Variants in ZNF66 observed in about 807,000 individuals in gnomAD.
The protein encoded by ZNF66 is putative zinc finger protein 66.
In ZNF66, 32 loss-of-function variants were observed where a neutral mutation model predicts 35.2. The observed-to-expected ratio is 0.91, with a 90% CI of 0.69 to 1.22. The LOEUF is 1.22. Among genes scored for constraint, ZNF66 ranks in the 50% most tolerant of loss-of-function variants. The pLI, the probability that ZNF66 is intolerant of heterozygous loss-of-function variation, is 0.00. For missense variants in ZNF66, 666 were observed against 543.1 expected, an observed-to-expected ratio of 1.23 and a Z score of -2.25; for synonymous variants, 231 against 181.3, an observed-to-expected ratio of 1.27 and a Z score of -2.20.
At chr19:20,793,297 ATTTTCTTTTCTTTTCTTTTC>A (rs562862450) in intron 2 of ZNF66, among the ~76,000 whole-genome samples, 7 of 116,358 alleles carry the variant, frequency 6.0e-5, no homozygotes, top group South Asian at 2.8e-4. Flanking sequence ...AATTGAAAGT[ATTTTCTTTTCTTTTCTTTTC>A]TTTTCTTTTC....
At chr19:20,781,602 C>T (rs531492591) in intron 1 of ZNF66, among the ~76,000 whole-genome samples, 5 of 151,778 alleles carry the variant, frequency 3.3e-5, no homozygotes, top group Admixed American at 2.6e-4. Flanking sequence ...TTCCACCTCC[C>T]GGTTCAAGTG....
intron 2 of ZNF66, among the ~76,000 whole-genome samples, chr19:20,793,332 C>CTTTTCTTT (rs1555782697): frequency 7.1e-5 from 6 of 84,618 alleles, no homozygotes; most frequent in African/African-American, 2.3e-4. Context: ...CTTTTCTTTT[C>CTTTTCTTT]TTTTTTTTTT....
chr19:20,803,956 A>G (rs2144915781), intron 3 of ZNF66, among the ~76,000 whole-genome samples: 1 of 152,216 alleles, frequency 6.6e-6, no homozygotes, highest in Non-Finnish European at 1.5e-5. Flanking sequence ...CACTTGTTAT[A>G]TCATGAGACT....
At position 20,799,061 on chromosome 19, in the gene ZNF66, C is replaced by CTTTTTTTTTTTTTTTTTTTTTT. The variant is rs374547894; in HGVS notation, c.226+5186_226+5187insTTTTTTTTTTTTTTTTTTTTTT. The CTTTTTTTTTTTTTTTTTTTTTT allele has an allele frequency of 5.1e-5, 6 of 116,702 alleles. 2 individuals are homozygous for CTTTTTTTTTTTTTTTTTTTTTT. Among genetic ancestry groups the CTTTTTTTTTTTTTTTTTTTTTT allele is most frequent in the Admixed American group, 1.7e-4 (2 of 11,942 alleles). 7.2% of individuals were successfully genotyped at this position (116,702 alleles called of 1,614,324 possible). On this transcript the variant is annotated intron_variant, in intron 3 of 3. Coordinates refer to ENST00000344519, the MANE Select transcript of ZNF66 (RefSeq NM_001355197.2). ...TTTCTTTCTTTCTTTCTTTTTCTTT[C>CTTTTTTTTTTTTTTTTTTTTTT]TTTCTTTTTTTTTTTTTTGAGATGG...
chr19:20,777,452 ATTTT>A (rs756548895), intron 1 of ZNF66, among the ~76,000 whole-genome samples: 6 of 123,148 alleles, frequency 4.9e-5, no homozygotes, highest in South Asian at 2.6e-4. Flanking sequence ...TTGAGCTTAG[ATTTT>A]TTTTTTTTTT....
At chr19:20,793,316 TCTTTTCTTTTCTTTTC>T (rs1971357000) in intron 2 of ZNF66, among the ~76,000 whole-genome samples, 2 of 78,172 alleles carry the variant, frequency 2.6e-5, no homozygotes, top group Non-Finnish European at 5.6e-5. Context: ...TCTTTTCTTT[TCTTTTCTTTTCTTTTC>T]TTTTTTTTTT....
chr19:20,785,396 C>A (rs1971278239), intron 1 of ZNF66, among the ~76,000 whole-genome samples: 1 of 152,210 alleles, frequency 6.6e-6, no homozygotes, highest in Non-Finnish European at 1.5e-5. Context: ...GAAAGCCTAC[C>A]TTCAGCAGCC....
chr19:20,793,999 G>GT (rs760761945), intron 3 of ZNF66, 121 bp downstream of exon 3: 67 of 533,406 alleles, frequency 1.3e-4, no homozygotes, highest in South Asian at 5.0e-4. Flanking sequence ...CTGGGCAGCT[G>GT]TTTTTTTTGT....
rs774370529 is a variant in ZNF66 at position 20,805,943 on chromosome 19, A to C, written c.343A>C (p.Lys115Gln). The C allele has an allele frequency of 1.4e-6, 1 of 694,252 alleles. No individual in the cohort carries two copies. The highest frequency in any genetic ancestry group is 1.9e-5 in the South Asian group (1 of 53,196). 43.0% of individuals were successfully genotyped at this position (694,252 alleles called of 1,614,324 possible). A position where few individuals can be genotyped will look rare whatever the true frequency, so the allele number is the denominator to read the frequency against. ...TGGACATGATAATTTGCAGTTAAAAAAAGGCTGTGAAAGTGTGGATAAGTG... is the reference window on the plus strand; with the variant it reads ...TGGACATGATAATTTGCAGTTAAAACAAGGCTGTGAAAGTGTGGATAAGTG... ...KCGHDNLQLK[K>Q]GCESVDKCKV... Residue 115 changes from lysine to glutamine, a missense_variant, in exon 4 of 4, where the codon AAA becomes CAA. Lys to Gln is a moderately conservative substitution (Grantham distance 53). Transcript: ENST00000344519.
chr19:20,779,603 C>T (rs59179004), intron 1 of ZNF66, among the ~76,000 whole-genome samples: 18,364 of 151,890 alleles, frequency 0.12, 1,267 homozygotes, highest in Middle Eastern at 0.17. Flanking sequence ...CTGAGGCAGT[C>T]GGATCACCTG....
intron 1 of ZNF66, among the ~76,000 whole-genome samples, chr19:20,789,435 A>C (rs1012640500): frequency 2.6e-5 from 4 of 152,166 alleles, no homozygotes; most frequent in African/African-American, 9.7e-5. Context: ...AAAACAGATA[A>C]ATGGGATAAA....
At chr19:20,777,825 C>CTACTAA (rs1971209968) in intron 1 of ZNF66, among the ~76,000 whole-genome samples, 8 of 152,082 alleles carry the variant, frequency 5.3e-5, no homozygotes, top group African/African-American at 1.9e-4. Flanking sequence ...GAGGTTTCAC[C>CTACTAA]ATGTTTGCCA....
chr19:20,787,565 A>C (rs1260509335), intron 1 of ZNF66, among the ~76,000 whole-genome samples: 2 of 152,192 alleles, frequency 1.3e-5, no homozygotes, highest in Non-Finnish European at 2.9e-5. Context: ...TGTCAACCTA[A>C]ACATCTTACA....
At chr19:20,797,419 G>T (rs757879858) in intron 3 of ZNF66, among the ~76,000 whole-genome samples, 1 of 124,380 alleles carries the variant, frequency 8.0e-6, no homozygotes, top group Admixed American at 7.6e-5. Flanking sequence ...TGTTAGCCAG[G>T]ATGGTCTCGA....
chr19:20,797,189 ATTTTTTTTTTTT>A (rs142052913), intron 3 of ZNF66, among the ~76,000 whole-genome samples: 21 of 45,472 alleles, frequency 4.6e-4, no homozygotes, highest in African/African-American at 1.2e-3. Context: ...TGCATGCTAG[ATTTTTTTTTTTT>A]TTTTTTTTTT....
At position 20,806,490 on chromosome 19, in the gene ZNF66, T is replaced by C. The variant is rs774373674; in HGVS notation, c.890T>C (p.Leu297Pro). ...CEECGKVFKY[L>P]SSLSTHKIIH... ...GAATGTGGCAAAGTTTTTAAGTACC[T>C]TTCTTCCCTTTCTACACATAAGATA... The change falls in exon 4 of 4, where the codon CTT (leucine) becomes CCT (proline). Residue 297 changes from leucine to proline, a missense_variant. Leu to Pro is a moderately conservative substitution (Grantham distance 98). Coordinates refer to ENST00000344519, the MANE Select transcript of ZNF66 (RefSeq NM_001355197.2). 1.5e-5 allele frequency: 23 copies of C among 1,490,442 alleles called. No homozygotes were observed. The Admixed American group carries it at 2.6e-4, about 17-fold the overall frequency. The allele number at this position is 1,490,442 out of a possible 1,614,324, so 92.3% of individuals were successfully genotyped here. A position where few individuals can be genotyped will look rare whatever the true frequency, so the allele number is the denominator to read the frequency against.
At chr19:20,800,551 G>A (rs1040523696) in intron 3 of ZNF66, among the ~76,000 whole-genome samples, 1 of 152,104 alleles carries the variant, frequency 6.6e-6, no homozygotes, top group Non-Finnish European at 1.5e-5. Context: ...CTCATGAATG[G>A]CTTGGTACAT....
intron 1 of ZNF66, among the ~76,000 whole-genome samples, chr19:20,791,346 G>A (rs1367335986): frequency 1.3e-5 from 2 of 152,018 alleles, no homozygotes; most frequent in Non-Finnish European, 2.9e-5. Flanking sequence ...TTAGCCTGGC[G>A]TGATGGCAGG....
chr19:20,779,005 C>T (rs922150066), intron 1 of ZNF66, among the ~76,000 whole-genome samples: 9 of 152,050 alleles, frequency 5.9e-5, no homozygotes, highest in African/African-American at 2.2e-4. Context: ...GGGGAGCCTC[C>T]CGTGCAGGTG....
Sources: allele counts gnomAD v4.1 joint callset (sites outside exome capture counted in the v4.1 genomes callset), GRCh38; gene constraint gnomAD v4.1.1; transcripts MANE v1.5; gene names NCBI Gene and HGNC (gene_info 2026-07-23, HGNC 2026-07-21).